CDK14: variants seen among roughly 807,000 people sequenced by gnomAD.
CDK14 encodes the protein cyclin dependent kinase 14.
A neutral mutation model predicts 60.7 loss-of-function variants in CDK14; 34 were observed. The ratio of observed to expected loss-of-function variants is 0.56; its 90% CI spans 0.43 to 0.75. The LOEUF (loss-of-function observed/expected upper bound fraction) is 0.75. CDK14 is among the 30% of genes least tolerant of loss of function. The pLI is 0.00. For missense variants in CDK14, 482 were observed against 564.1 expected (o/e 0.85, Z 1.47); for synonymous variants, 197 against 203.7 (o/e 0.97, Z 0.28).
At chr7:91,038,899 AC>A (rs1477428091) in intron 10 of CDK14, among the ~76,000 whole-genome samples, 1 of 151,802 alleles carries the variant, frequency 6.6e-6, no homozygotes, top group Non-Finnish European at 1.5e-5. Flanking sequence ...TGATTGTGAG[AC>A]CTCCCCAGCC....
intron 12 of CDK14, among the ~76,000 whole-genome samples, chr7:91,091,139 T>C (rs1798793450): frequency 6.6e-6 from 1 of 151,570 alleles, no homozygotes; most frequent in African/African-American, 2.4e-5. Flanking sequence ...CTTAAGCCTG[T>C]AATCCCAGCA....
intron 14 of CDK14, among the ~76,000 whole-genome samples, chr7:91,200,203 C>T (rs1283580167): frequency 6.6e-6 from 1 of 152,154 alleles, no homozygotes; most frequent in East Asian, 1.9e-4. Context: ...AAGTTTAAAA[C>T]TTACCACTTT....
intron 14 of CDK14, among the ~76,000 whole-genome samples, chr7:91,160,087 C>A (rs569949394): frequency 6.6e-6 from 1 of 152,182 alleles, no homozygotes; most frequent in African/African-American, 2.4e-5. Context: ...GGAATGTGAT[C>A]CACTCAGATT....
chr7:91,185,100 T>C (rs1802129646), intron 14 of CDK14, among the ~76,000 whole-genome samples: 1 of 149,060 alleles, frequency 6.7e-6, no homozygotes, highest in South Asian at 2.2e-4. Context: ...TTACTGTTTA[T>C]TGAGTATCTC....
intron 5 of CDK14, among the ~76,000 whole-genome samples, chr7:90,813,423 A>G (rs1034064986): frequency 6.6e-6 from 1 of 152,204 alleles, no homozygotes; most frequent in African/African-American, 2.4e-5. Flanking sequence ...TACCATGGAT[A>G]AATTATACTT....
chr7:91,190,132 C>G (rs899425146), intron 14 of CDK14, among the ~76,000 whole-genome samples: 11 of 152,306 alleles, frequency 7.2e-5, no homozygotes, highest in African/African-American at 2.4e-4. Flanking sequence ...TATAACAGAC[C>G]TTTATTTCTT....
intron 4 of CDK14, among the ~76,000 whole-genome samples, chr7:90,750,881 GAAA>G (rs912624933): frequency 4.0e-5 from 6 of 148,796 alleles, no homozygotes; most frequent in African/African-American, 1.5e-4. Context: ...CAAAAAAAAA[GAAA>G]AAAAAAGAAA....
chr7:90,745,608 G>T (rs1327812289), intron 3 of CDK14, among the ~76,000 whole-genome samples: 1 of 152,108 alleles, frequency 6.6e-6, no homozygotes, highest in Admixed American at 6.5e-5. Context: ...TAGAGATGGG[G>T]TTTCACCATG....
At chr7:91,137,689 G>GGGA (rs1491415275) in intron 14 of CDK14, among the ~76,000 whole-genome samples, 7 of 48,900 alleles carry the variant, frequency 1.4e-4, no homozygotes, top group African/African-American at 2.2e-4. Context: ...AAAGACTTGT[G>GGGA]GGGGGTGTGT....
chr7:90,738,449 CA>C (rs1218082982), intron 3 of CDK14, among the ~76,000 whole-genome samples: 3 of 152,214 alleles, frequency 2.0e-5, no homozygotes, highest in African/African-American at 7.2e-5. Flanking sequence ...GGGTGACAAA[CA>C]TTGTTCAGCT....
chr7:91,121,107 C>T (rs1220220118), intron 14 of CDK14, among the ~76,000 whole-genome samples: 1 of 152,074 alleles, frequency 6.6e-6, no homozygotes, highest in African/African-American at 2.4e-5. Flanking sequence ...TTTCTCTGAC[C>T]AATACTGAAT....
chr7:91,041,175 C>CTTT (rs34055384), intron 10 of CDK14, among the ~76,000 whole-genome samples: 16 of 142,676 alleles, frequency 1.1e-4, no homozygotes, highest in African/African-American at 3.4e-4. Context: ...TGAGCTTGTC[C>CTTT]TTTTTTTTTT....
At chr7:90,994,572 C>T (rs954397778) in intron 10 of CDK14, among the ~76,000 whole-genome samples, 11 of 152,150 alleles carry the variant, frequency 7.2e-5, no homozygotes, top group East Asian at 3.9e-4. Context: ...ATCACCAAGT[C>T]GAGCTGATAA....
chr7:91,155,821 A>T (rs1273373002), intron 14 of CDK14, among the ~76,000 whole-genome samples: 2 of 152,234 alleles, frequency 1.3e-5, no homozygotes, highest in African/African-American at 4.8e-5. Flanking sequence ...AATCATTTTA[A>T]ACAAAATGTT....
At chr7:90,706,596 C>T (rs1486965747) in intron 2 of CDK14, among the ~76,000 whole-genome samples, 2 of 152,046 alleles carry the variant, frequency 1.3e-5, no homozygotes, top group African/African-American at 4.8e-5. Context: ...GGAGGAGCAA[C>T]AGCAGAGGAA....
chr7:90,791,305 CT>C (rs921482393), intron 5 of CDK14, among the ~76,000 whole-genome samples: 12 of 151,198 alleles, frequency 7.9e-5, no homozygotes, highest in Non-Finnish European at 1.5e-4. Context: ...AATAAAATAT[CT>C]TTTTTTTTAA....
chr7:91,060,059 A>C (rs185586420), intron 11 of CDK14, among the ~76,000 whole-genome samples: 3,744 of 152,134 alleles, frequency 0.025, 133 homozygotes, highest in African/African-American at 0.084. Context: ...TGTAGGTCCT[A>C]AGGACTTGCT....
chr7:90,753,961 T>C (rs1306840985), intron 4 of CDK14, among the ~76,000 whole-genome samples: 1 of 152,132 alleles, frequency 6.6e-6, no homozygotes, highest in Non-Finnish European at 1.5e-5. Context: ...TACAAAACAT[T>C]GCTGAAAGAA....
At chr7:90,725,516 A>G (rs1358540877) in intron 2 of CDK14, among the ~76,000 whole-genome samples, 1 of 152,206 alleles carries the variant, frequency 6.6e-6, no homozygotes. Flanking sequence ...GTGTATTCAA[A>G]AACTTCGTAT....
Sources: gnomAD v4.1 joint callset for allele counts (sites outside exome capture counted in the v4.1 genomes callset) on GRCh38, gnomAD v4.1.1 for gene constraint, MANE v1.5 for transcripts, NCBI Gene and HGNC (gene_info 2026-07-23, HGNC 2026-07-21) for gene names.